The following SORCS2 variants were observed in gnomAD, a reference collection of about 807,000 sequenced individuals.
The protein encoded by SORCS2 is sortilin related VPS10 domain containing receptor 2.
Under a neutral mutation model 141.6 loss-of-function variants are expected in SORCS2, and 100 were observed. That is an observed-to-expected ratio of 0.71 (90% confidence interval 0.60 to 0.83). SORCS2 has a LOEUF of 0.83. Among genes scored for constraint, SORCS2 ranks in the 40% least tolerant of loss-of-function variants. The probability of loss-of-function intolerance (pLI) is 0.00; values close to 1 mark genes in which losing one functional copy is unlikely to be tolerated. For missense variants in SORCS2, 1,646 were observed against 1,560.2 expected, an observed-to-expected ratio of 1.05 and a Z score of -0.93; for synonymous variants, 789 against 676.9, an observed-to-expected ratio of 1.17 and a Z score of -2.57.
At chr4:7,552,506 G>A (rs1285231372) in intron 3 of SORCS2, among the ~76,000 whole-genome samples, 5 of 152,134 alleles carry the variant, frequency 3.3e-5, no homozygotes, top group African/African-American at 1.2e-4. Flanking sequence ...CCTCTAAACT[G>A]ACGATGAAGG....
intron 1 of SORCS2, among the ~76,000 whole-genome samples, chr4:7,219,552 T>C (rs1205652441): frequency 3.9e-5 from 6 of 152,064 alleles, no homozygotes; most frequent in Non-Finnish European, 8.8e-5. Flanking sequence ...ACGATCATGG[T>C]GGAAGGGGAA....
chr4:7,351,422 C>T (rs889229406), intron 1 of SORCS2, among the ~76,000 whole-genome samples: 1 of 152,172 alleles, frequency 6.6e-6, no homozygotes, highest in African/African-American at 2.4e-5. Flanking sequence ...GTCTGCCTGA[C>T]AGGGTCTTCT....
At chr4:7,567,456 TCC>T (rs1715103033) in intron 3 of SORCS2, among the ~76,000 whole-genome samples, 1 of 151,920 alleles carries the variant, frequency 6.6e-6, no homozygotes, top group African/African-American at 2.4e-5. Flanking sequence ...TAAAGAATGT[TCC>T]TCTGTTGGAA....
intron 1 of SORCS2, among the ~76,000 whole-genome samples, chr4:7,311,523 A>G (rs930752669): frequency 4.6e-5 from 7 of 152,328 alleles, no homozygotes; most frequent in Admixed American, 2.0e-4. Flanking sequence ...CCAGCAATGA[A>G]TGGGAGTCTC....
intron 2 of SORCS2, among the ~76,000 whole-genome samples, chr4:7,518,687 G>C (rs28615329): frequency 0.38 from 58,077 of 151,792 alleles, 11,610 homozygotes; most frequent in East Asian, 0.76. Flanking sequence ...GGAGGTGCTC[G>C]TGTGTCCTTC....
chr4:7,344,330 C>T (rs1326565609), intron 1 of SORCS2, among the ~76,000 whole-genome samples: 5 of 152,190 alleles, frequency 3.3e-5, no homozygotes, highest in South Asian at 2.1e-4. Context: ...CCCCAGGAGC[C>T]GGGGCTAGTT....
chr4:7,315,786 C>G (rs1317651716), intron 1 of SORCS2, among the ~76,000 whole-genome samples: 1 of 152,206 alleles, frequency 6.6e-6, no homozygotes, highest in Non-Finnish European at 1.5e-5. Flanking sequence ...TCCATAGCTT[C>G]TCTCCCCAGT....
intron 14 of SORCS2, among the ~76,000 whole-genome samples, chr4:7,708,585 G>A (rs973866981): frequency 5.3e-5 from 8 of 152,180 alleles, no homozygotes; most frequent in Admixed American, 2.0e-4. Flanking sequence ...CCCTCCCACA[G>A]TCTGGGGGGC....
At chr4:7,448,091 A>G (rs955313603) in intron 2 of SORCS2, among the ~76,000 whole-genome samples, 4 of 152,154 alleles carry the variant, frequency 2.6e-5, no homozygotes, top group African/African-American at 4.8e-5. Flanking sequence ...ACATCCCTGT[A>G]CGTAGGCGAG....
rs1328965106 is a variant in SORCS2, at chr4:7,715,291, G to A, written c.2232G>A (p.Gln744=). Residue 744 remains glutamine (Q), a synonymous_variant, in exon 17 of 27, where the codon CAG becomes CAA. Coordinates refer to ENST00000507866, the MANE Select transcript of SORCS2 (RefSeq NM_020777.3). ...LSPPDDCALG[Q]TYTSSLGYRK... ...CGCCTGACGACTGTGCCCTGGGCCA[G>A]ACCTACACCAGCAGCCTTGGGTGAG... 6.2e-7 allele frequency: 1 copy of A among 1,613,990 alleles called. No homozygotes were observed. Among genetic ancestry groups the A allele is most frequent in the Admixed American group, 1.7e-5 (1 of 60,026 alleles).
chr4:7,557,915 G>A (rs1053784375), intron 3 of SORCS2, among the ~76,000 whole-genome samples: 8 of 152,212 alleles, frequency 5.3e-5, no homozygotes, highest in African/African-American at 1.7e-4. Context: ...CACCTGCTTC[G>A]CAGATGAAGA....
chr4:7,314,829 T>TTTTTTTTTTTTTTTTTTTTTTTG (rs1560185676), intron 1 of SORCS2, among the ~76,000 whole-genome samples: 1 of 116,516 alleles, frequency 8.6e-6, no homozygotes, highest in African/African-American at 3.5e-5. Flanking sequence ...TTTTTTTTTT[T>TTTTTTTTTTTTTTTTTTTTTTTG]ATTGTTGTTG....
chr4:7,499,864 C>T (rs1645530586), intron 2 of SORCS2, among the ~76,000 whole-genome samples: 1 of 152,166 alleles, frequency 6.6e-6, no homozygotes, highest in African/African-American at 2.4e-5. Flanking sequence ...GGACCCCCTC[C>T]CAGGCAGCGC....
chr4:7,424,189 A>C (rs1209316428), intron 2 of SORCS2, among the ~76,000 whole-genome samples: 3 of 152,132 alleles, frequency 2.0e-5, no homozygotes, highest in Non-Finnish European at 2.9e-5. Flanking sequence ...TGGCCCAGCG[A>C]GGGGACTCTG....
rs1577137390 is a variant in SORCS2, at chr4:7,734,435, C to T, written c.3311+61C>T. 4.2e-6 allele frequency: 5 copies of T among 1,190,868 alleles called. No homozygotes were observed. The African/African-American group carries it at 4.7e-5, about 11-fold the overall frequency. 73.8% of individuals were successfully genotyped at this position (1,190,868 alleles called of 1,614,324 possible). A position where few individuals can be genotyped will look rare whatever the true frequency, so the allele number is the denominator to read the frequency against. On this transcript the variant is annotated intron_variant, in intron 25 of 26. Coordinates refer to ENST00000507866, the MANE Select transcript of SORCS2 (RefSeq NM_020777.3). ...GACCATGGGGCCGTAGGAAGCCAGG[C>T]CCAACTCACTCAGGCAGATCTAGAA... is the stretch of plus-strand genomic sequence containing the variant.
At chr4:7,733,243 A>G in intron 23 of SORCS2, 79 bp from the exon 24 acceptor site, 2 of 820,268 alleles carry the variant, frequency 2.4e-6, no homozygotes, top group Non-Finnish European at 3.2e-6. Flanking sequence ...CCCCTCCTGG[A>G]GGAGGACCCC....
chr4:7,297,892 G>T (rs780034727), intron 1 of SORCS2, among the ~76,000 whole-genome samples: 1 of 152,224 alleles, frequency 6.6e-6, no homozygotes, highest in Non-Finnish European at 1.5e-5. Flanking sequence ...CTCTGGCTGT[G>T]ACTCTCTGCA....
Position 7,740,366 on chromosome 4 carries a change from C to A in SORCS2, c.*102C>A. 1.8e-6 allele frequency: 2 copies of A among 1,098,754 alleles called. No homozygotes were observed. Among genetic ancestry groups the A allele is most frequent in the South Asian group, 1.3e-5 (1 of 75,150 alleles). The allele number at this position is 1,098,754 out of a possible 1,614,324, so 68.1% of individuals were successfully genotyped here. Reference sequence around the variant, plus strand: ...CTCAGAGACCTGCGGAAAGCCCCCTCCCTGAGTCGTCGCCACACCAGGCGA... The same window carrying A: ...CTCAGAGACCTGCGGAAAGCCCCCTACCTGAGTCGTCGCCACACCAGGCGA... On this transcript the variant is annotated 3_prime_UTR_variant, in exon 27 of 27. Transcript: ENST00000507866.
intron 2 of SORCS2, among the ~76,000 whole-genome samples, chr4:7,417,451 G>C (rs1725772875): frequency 6.6e-6 from 1 of 152,168 alleles, no homozygotes; most frequent in Admixed American, 6.5e-5. Flanking sequence ...TGGTAGCTTG[G>C]GGGTAGAAGC....
Sources: allele counts gnomAD v4.1 joint callset (sites outside exome capture counted in the v4.1 genomes callset), GRCh38; gene constraint gnomAD v4.1.1; transcripts MANE v1.5; gene names NCBI Gene and HGNC (gene_info 2026-07-23, HGNC 2026-07-21).